The following GALNT2 variants were observed in gnomAD, a reference collection of about 807,000 sequenced individuals.
GALNT2 encodes polypeptide N-acetylgalactosaminyltransferase 2, also known as UDP-GalNAc:polypeptide N-acetylgalactosaminyltransferase 2.
GALNT2 carries 31 observed loss-of-function variants against 81.4 expected under a neutral mutation model. That is an observed-to-expected ratio of 0.38 (90% CI 0.29 to 0.51). The LOEUF (loss-of-function observed/expected upper bound fraction) is 0.51, where lower values mean the gene tolerates loss of function less well. Among genes scored for constraint, GALNT2 ranks in the 20% least tolerant of loss-of-function variants. GALNT2 has a pLI of 0.87. For synonymous variants in GALNT2, 303 were observed against 287.4 expected (o/e 1.05, Z -0.55); for missense variants, 629 against 765.7 (o/e 0.82, Z 2.11).
At chr1:230,084,007 A>T (rs72648057) in intron 1 of GALNT2, among the ~76,000 whole-genome samples, 2,257 of 152,240 alleles carry the variant, frequency 0.015, 31 homozygotes, top group Non-Finnish European at 0.019. Context: ...CATGCCTGTG[A>T]AGGTGAGGGT....
chr1:230,151,444 G>A (rs1662090840), intron 1 of GALNT2, among the ~76,000 whole-genome samples: 3 of 152,236 alleles, frequency 2.0e-5, no homozygotes, highest in Non-Finnish European at 4.4e-5. Context: ...ACAGGATGAT[G>A]CCCTCGAAGT....
chr1:230,255,739 G>A (rs565769833), intron 11 of GALNT2, among the ~76,000 whole-genome samples: 38 of 152,186 alleles, frequency 2.5e-4, no homozygotes, highest in African/African-American at 8.9e-4. Context: ...GGTGGTAGTT[G>A]GACAAATCTT....
intron 1 of GALNT2, among the ~76,000 whole-genome samples, chr1:230,080,286 G>A (rs150199148): frequency 4.6e-4 from 70 of 152,256 alleles, no homozygotes; most frequent in African/African-American, 1.6e-3. Flanking sequence ...TTTTATTTTA[G>A]GTTACTGTGG....
chr1:230,145,643 A>C (rs1661892185), intron 1 of GALNT2, among the ~76,000 whole-genome samples: 1 of 152,240 alleles, frequency 6.6e-6, no homozygotes, highest in Non-Finnish European at 1.5e-5. Flanking sequence ...TAGTTGGTTG[A>C]AAGCCACCCA....
chr1:230,202,323 C>A (rs1041617952), intron 2 of GALNT2, among the ~76,000 whole-genome samples: 1 of 152,186 alleles, frequency 6.6e-6, no homozygotes, highest in African/African-American at 2.4e-5. Flanking sequence ...ATCCTGACTT[C>A]ACTCGCCTAG....
chr1:230,195,546 A>G, intron 2 of GALNT2, among the ~76,000 whole-genome samples: 1 of 152,150 alleles, frequency 6.6e-6, no homozygotes, highest in African/African-American at 2.4e-5. Context: ...CAGGAGGGGT[A>G]GACACATACA....
intron 6 of GALNT2, among the ~76,000 whole-genome samples, chr1:230,238,542 C>G (rs546368684): frequency 6.6e-6 from 1 of 152,252 alleles, no homozygotes; most frequent in East Asian, 1.9e-4. Flanking sequence ...TCTCAAGGCC[C>G]TTACAGCTAT....
intron 15 of GALNT2, among the ~76,000 whole-genome samples, chr1:230,276,472 C>G (rs951290182): frequency 7.2e-5 from 11 of 152,154 alleles, no homozygotes; most frequent in Admixed American, 4.6e-4. Flanking sequence ...CTAGTCTAAC[C>G]CTGATTTCAC....
intron 7 of GALNT2, among the ~76,000 whole-genome samples, chr1:230,244,629 C>T (rs770600593): frequency 9.2e-5 from 14 of 152,174 alleles, no homozygotes; most frequent in Admixed American, 2.0e-4. Flanking sequence ...CTGCTTCGAA[C>T]GCCTGCTCCT....
chr1:230,086,930 TA>T (rs2102760749), intron 1 of GALNT2, among the ~76,000 whole-genome samples: 1 of 152,312 alleles, frequency 6.6e-6, no homozygotes, highest in East Asian at 1.9e-4. Context: ...ATGTCTCTGT[TA>T]CTCCTCTACG....
At chr1:230,269,731 C>G (rs76169493) in intron 14 of GALNT2, among the ~76,000 whole-genome samples, 2 of 113,216 alleles carry the variant, frequency 1.8e-5, no homozygotes, top group African/African-American at 6.8e-5. Flanking sequence ...TCCGTCTTTA[C>G]AAAAAAAAAA....
chr1:230,263,162 T>C (rs1665929128), intron 13 of GALNT2, 157 bp downstream of exon 13: 2 of 629,216 alleles, frequency 3.2e-6, no homozygotes, highest in East Asian at 2.7e-5. Context: ...GGTGTGGAGC[T>C]GAGAATCTGC....
chr1:230,163,858 T>G (rs1662513561), intron 1 of GALNT2, among the ~76,000 whole-genome samples: 1 of 152,180 alleles, frequency 6.6e-6, no homozygotes, highest in Admixed American at 6.5e-5. Context: ...TTGGTGTCAG[T>G]GAGCTTATTG....
chr1:230,105,064 A>C (rs1660503540), intron 1 of GALNT2, among the ~76,000 whole-genome samples: 2 of 152,204 alleles, frequency 1.3e-5, no homozygotes, highest in African/African-American at 4.8e-5. Flanking sequence ...TAAGGAGCGT[A>C]CTGATGCCAG....
At chr1:230,221,011 A>T (rs1304460044) in intron 3 of GALNT2, among the ~76,000 whole-genome samples, 3 of 152,246 alleles carry the variant, frequency 2.0e-5, no homozygotes, top group Admixed American at 1.3e-4. Flanking sequence ...TTAAAAGTAG[A>T]TACGTGTTTG....
upstream of GALNT2, among the ~76,000 whole-genome samples, chr1:230,066,954 C>G (rs1659200789): frequency 6.7e-6 from 1 of 150,256 alleles, no homozygotes; most frequent in African/African-American, 2.4e-5. Flanking sequence ...CGGCGTGCTG[C>G]AGCCATGGAG....
chr1:230,193,224 A>G lies in GALNT2; in HGVS notation c.221-9913A>G, dbSNP rs1663583431. 6.6e-6 allele frequency among the ~76,000 whole-genome samples: 1 copy of G among 152,178 alleles called. No homozygotes were observed. The highest frequency in any genetic ancestry group is 1.5e-5 in the Non-Finnish European group (1 of 68,030). Reference sequence around the variant, plus strand: ...GGATTTGAATGAAGAGTTGCAGTACAGCAGTGAATACCTGTATAGAATCCT... The same window carrying G: ...GGATTTGAATGAAGAGTTGCAGTACGGCAGTGAATACCTGTATAGAATCCT... On this transcript the variant is annotated intron_variant, in intron 2 of 15. Transcript: ENST00000366672. The surrounding 1 kb of genome is among the most constrained non-coding windows in gnomAD (Gnocchi z 4.3).
At chr1:230,199,023 C>T (rs186037094) in intron 2 of GALNT2, among the ~76,000 whole-genome samples, 5 of 152,060 alleles carry the variant, frequency 3.3e-5, no homozygotes, top group African/African-American at 9.6e-5. Flanking sequence ...AAGTATTTTC[C>T]GTCAGCTGCT....
chr1:230,260,174 A>G (rs1446081248), intron 11 of GALNT2, among the ~76,000 whole-genome samples: 2 of 152,238 alleles, frequency 1.3e-5, no homozygotes, highest in East Asian at 3.8e-4. Context: ...CTTGTAATAG[A>G]TGACATTTAA....
Sources: allele counts gnomAD v4.1 joint callset (sites outside exome capture counted in the v4.1 genomes callset), GRCh38; gene constraint gnomAD v4.1.1; non-coding constraint Gnocchi (gnomAD v3.1); transcripts MANE v1.5; gene names NCBI Gene and HGNC (gene_info 2026-07-23, HGNC 2026-07-21).